The following HIPK3 variants were observed in gnomAD, a reference collection of about 807,000 sequenced individuals.
HIPK3 encodes the protein homeodomain-interacting protein kinase 3.
HIPK3 carries 47 observed loss-of-function variants against 124.2 expected under a neutral mutation model. The ratio of observed to expected loss-of-function variants is 0.38; its 90% CI spans 0.30 to 0.48. The LOEUF is 0.48. Ranked by LOEUF, HIPK3 falls within the 20% of genes least tolerant of loss-of-function variation. The pLI is 0.98. For synonymous variants in HIPK3, 482 were observed against 515.2 expected (o/e 0.94, Z 0.87); for missense variants, 1,286 against 1,454.3 (o/e 0.88, Z 1.88).
chr11:33,280,629 A>AG (rs1237156563), intron 1 of HIPK3, among the ~76,000 whole-genome samples: 2 of 152,200 alleles, frequency 1.3e-5, no homozygotes, highest in Non-Finnish European at 2.9e-5. Context: ...TTGGCTGGTG[A>AG]GGGATAATGA....
At chr11:33,275,395 A>G (rs192077970) in intron 1 of HIPK3, among the ~76,000 whole-genome samples, 18 of 152,290 alleles carry the variant, frequency 1.2e-4, no homozygotes, top group Admixed American at 2.6e-4. Context: ...AATCTTCTAA[A>G]ATAATAGAGG....
intron 16 of HIPK3, 51 bp from the exon 17 acceptor site, chr11:33,353,036 CCTTTT>C (rs1853711909): frequency 9.6e-7 from 1 of 1,045,384 alleles, no homozygotes. Context: ...TTCTTTCTTT[CCTTTT>C]ATCTTTTAAG....
intron 2 of HIPK3, among the ~76,000 whole-genome samples, chr11:33,314,038 T>C (rs1282860896): frequency 6.6e-6 from 1 of 152,002 alleles, no homozygotes; most frequent in East Asian, 1.9e-4. Context: ...CCCAGGCTGG[T>C]CTCGTACTCC....
chr11:33,303,338 C>T (rs373132185), intron 2 of HIPK3, among the ~76,000 whole-genome samples: 11 of 152,198 alleles, frequency 7.2e-5, no homozygotes, highest in East Asian at 3.9e-4. Context: ...AAAGTCTGTA[C>T]GTGTTCTGTA....
chr11:33,346,448 C>T (rs376811289), intron 8 of HIPK3, among the ~76,000 whole-genome samples: 22 of 152,062 alleles, frequency 1.4e-4, no homozygotes, highest in East Asian at 1.2e-3. Context: ...TGTGCCATCC[C>T]GGAATTTTCA....
At chr11:33,264,033 A>T (rs771538666) in intron 1 of HIPK3, among the ~76,000 whole-genome samples, 4 of 152,188 alleles carry the variant, frequency 2.6e-5, no homozygotes, top group Non-Finnish European at 5.9e-5. Flanking sequence ...TATGAATTAA[A>T]ACTCAGACTT....
intron 2 of HIPK3, among the ~76,000 whole-genome samples, chr11:33,328,254 A>C (rs1852867015): frequency 6.6e-6 from 1 of 152,166 alleles, no homozygotes; most frequent in African/African-American, 2.4e-5. Context: ...TTTTCAAAAA[A>C]TGTTATGTTA....
intron 1 of HIPK3, among the ~76,000 whole-genome samples, chr11:33,278,089 AAG>A (rs1380509619): frequency 1.3e-5 from 2 of 152,118 alleles, no homozygotes; most frequent in African/African-American, 2.4e-5. Flanking sequence ...TTTCCCTTCT[AAG>A]AGTGTGTGTT....
intron 1 of HIPK3, chr11:33,258,753 A>G (rs979147042): frequency 4.1e-6 from 4 of 983,036 alleles, no homozygotes; most frequent in Non-Finnish European, 4.8e-6. Flanking sequence ...ATTGCGCTGA[A>G]GAGTGTGTGC....
chr11:33,336,679 A>G (rs1026937087), intron 3 of HIPK3, among the ~76,000 whole-genome samples: 3 of 152,140 alleles, frequency 2.0e-5, no homozygotes, highest in African/African-American at 7.2e-5. Flanking sequence ...ATTCTCTGTT[A>G]GTGACCCTCT....
chr11:33,317,455 C>T (rs1014620045), intron 2 of HIPK3, among the ~76,000 whole-genome samples: 5 of 151,708 alleles, frequency 3.3e-5, no homozygotes, highest in Admixed American at 6.6e-5. Context: ...TTTGTAGAGA[C>T]GGAGTCTCCA....
chr11:33,325,493 C>T (rs1022994040), intron 2 of HIPK3, among the ~76,000 whole-genome samples: 4 of 152,140 alleles, frequency 2.6e-5, no homozygotes, highest in Admixed American at 6.5e-5. Context: ...CTCATTTCCA[C>T]GCCGTACTTT....
At chr11:33,350,053 C>G (rs2134001073) in intron 14 of HIPK3, among the ~76,000 whole-genome samples, 1 of 152,306 alleles carries the variant, frequency 6.6e-6, no homozygotes, top group East Asian at 1.9e-4. Context: ...GCGTGAGCCA[C>G]CACATCCAGC....
chr11:33,341,868 G>A (rs1209675667), intron 8 of HIPK3, among the ~76,000 whole-genome samples, 182 bp downstream of exon 8: 1 of 152,096 alleles, frequency 6.6e-6, no homozygotes, highest in African/African-American at 2.4e-5. Context: ...GGGAGGCTGA[G>A]GTAGGCGGAT....
chr11:33,318,867 C>T (rs1852581417), intron 2 of HIPK3, among the ~76,000 whole-genome samples: 1 of 152,140 alleles, frequency 6.6e-6, no homozygotes, highest in African/African-American at 2.4e-5. Context: ...GGGCCAATTT[C>T]TAGGTTTTCT....
intron 2 of HIPK3, among the ~76,000 whole-genome samples, chr11:33,316,353 T>A (rs1422023890): frequency 1.3e-5 from 2 of 152,244 alleles, no homozygotes; most frequent in African/African-American, 4.8e-5. Context: ...TTCATAAATT[T>A]TAGTTGCATT....
rs76830462 is a variant in HIPK3 at position 33,336,430 on chromosome 11, C to T, written c.1222-645C>T. Among the ~76,000 whole-genome samples the T allele has an allele frequency of 2.4e-3, 370 of 152,276 alleles. 1 individual carries two copies. Among genetic ancestry groups the T allele is most frequent in the African/African-American group, 8.3e-3 (347 of 41,562 alleles). ...TCACCCAGTGTTTATCAATCTAAAT[C>T]TCTTTTGAATCCATTCCTTCCTCTC... On this transcript the variant is annotated intron_variant, in intron 3 of 16. Transcript: ENST00000303296.
Position 33,287,429 on chromosome 11 carries a change from A to G in HIPK3, c.1015A>G (p.Arg339Gly). Reference sequence around the variant, plus strand: ...GGTGGATCCTGTTCGGCAGCCTTACAGGGTTAAAGTAATAGACTTTGGGTC... The same window carrying G: ...GGTGGATCCTGTTCGGCAGCCTTACGGGGTTAAAGTAATAGACTTTGGGTC... ...MLVDPVRQPY[R>G]VKVIDFGSAS... Residue 339 changes from arginine to glycine, a missense_variant, in exon 2 of 17, where the codon AGG (arginine) becomes GGG (glycine). Transcript: ENST00000303296. 6.8e-6 allele frequency: 11 copies of G among 1,614,190 alleles called. No homozygotes were observed. Among genetic ancestry groups the G allele is most frequent in the Non-Finnish European group, 8.5e-6 (10 of 1,180,026 alleles).
At chr11:33,274,352 A>G (rs934172890) in intron 1 of HIPK3, among the ~76,000 whole-genome samples, 12 of 152,172 alleles carry the variant, frequency 7.9e-5, no homozygotes, top group African/African-American at 2.9e-4. Flanking sequence ...TAAGAAATAA[A>G]AGTTTTGTGG....
Sources: allele counts gnomAD v4.1 joint callset (sites outside exome capture counted in the v4.1 genomes callset), GRCh38; gene constraint gnomAD v4.1.1; transcripts MANE v1.5; gene names NCBI Gene and HGNC (gene_info 2026-07-23, HGNC 2026-07-21).